GRID1: variants seen among roughly 807,000 people sequenced by gnomAD.
GRID1 encodes the protein glutamate ionotropic receptor delta type subunit 1, also known as glutamate receptor ionotropic, delta-1.
A neutral mutation model predicts 98.0 loss-of-function variants in GRID1; 28 were observed. The observed-to-expected ratio is 0.29, with a 90% CI of 0.21 to 0.39. The LOEUF (loss-of-function observed/expected upper bound fraction) is 0.39, where lower values mean the gene tolerates loss of function less well. Ranked by LOEUF, GRID1 falls within the 10% of genes least tolerant of loss-of-function variation. The probability of loss-of-function intolerance (pLI) is 1.00; values close to 1 mark genes in which losing one functional copy is unlikely to be tolerated. For missense variants in GRID1, 1,111 were observed against 1,340.5 expected (o/e 0.83, Z 2.67); for synonymous variants, 553 against 538.5 (o/e 1.03, Z -0.37).
chr10:85,958,775 T>C (rs908541711), intron 4 of GRID1, among the ~76,000 whole-genome samples: 2 of 151,720 alleles, frequency 1.3e-5, no homozygotes, highest in East Asian at 1.9e-4. Context: ...CTGACCAACA[T>C]GGAGAAACCC....
chr10:85,854,728 G>C (rs1293738943), intron 7 of GRID1, 113 bp from the exon 8 acceptor site: 8 of 1,018,986 alleles, frequency 7.9e-6, no homozygotes, highest in Non-Finnish European at 1.0e-5. Context: ...TCAGTTTTGA[G>C]ACCATGGACA....
intron 4 of GRID1, among the ~76,000 whole-genome samples, chr10:85,985,523 C>T (rs1842598252): frequency 6.6e-6 from 1 of 152,202 alleles, no homozygotes; most frequent in African/African-American, 2.4e-5. Context: ...ACATGAAGCT[C>T]ATGGGGCAGG....
chr10:86,315,337 C>A (rs770152995), intron 2 of GRID1, among the ~76,000 whole-genome samples: 1 of 152,200 alleles, frequency 6.6e-6, no homozygotes, highest in African/African-American at 2.4e-5. Context: ...CACACGCCAG[C>A]CAGCACTCCT....
chr10:86,021,759 A>C (rs1433380166), intron 4 of GRID1, among the ~76,000 whole-genome samples: 1 of 151,952 alleles, frequency 6.6e-6, no homozygotes, highest in African/African-American at 2.4e-5. Context: ...TTTCCCATTC[A>C]CCTGCGTAGT....
At chr10:86,231,374 G>A (rs1338045812) in intron 2 of GRID1, among the ~76,000 whole-genome samples, 1 of 152,164 alleles carries the variant, frequency 6.6e-6, no homozygotes, top group Non-Finnish European at 1.5e-5. Context: ...GGGAAGCAGG[G>A]CCAAGTCATT....
chr10:85,647,640 A>C (rs1306528171), intron 12 of GRID1: 7 of 481,362 alleles, frequency 1.5e-5, no homozygotes, highest in Non-Finnish European at 1.9e-5. Context: ...GGCACCTAAA[A>C]CCAGGTTCTT....
chr10:85,781,288 C>T (rs1415122873), intron 8 of GRID1, among the ~76,000 whole-genome samples: 2 of 152,208 alleles, frequency 1.3e-5, no homozygotes, highest in African/African-American at 4.8e-5. Flanking sequence ...TTCCCCTGGA[C>T]TTCTGAGTCA....
At chr10:85,857,185 C>A (rs964927135) in intron 6 of GRID1, among the ~76,000 whole-genome samples, 8 of 152,190 alleles carry the variant, frequency 5.3e-5, no homozygotes, top group African/African-American at 7.2e-5. Flanking sequence ...TGCAACTGTG[C>A]CCATCTGAGG....
At chr10:85,931,971 G>A (rs868226290) in intron 4 of GRID1, among the ~76,000 whole-genome samples, 13 of 152,256 alleles carry the variant, frequency 8.5e-5, no homozygotes, top group South Asian at 2.1e-4. Context: ...CACTCCAGCC[G>A]CTGGCATCCT....
Position 85,829,335 on chromosome 10 carries a change from G to A in GRID1, c.1233+25161C>T, listed in dbSNP as rs565597284. On this transcript the variant is annotated intron_variant, in intron 8 of 15. Coordinates refer to ENST00000327946, the MANE Select transcript of GRID1 (RefSeq NM_017551.3). ...AAAAAGTCATATATAACAAACCCAG[G>A]GCCAACATCATACTGAACAGGCAAA... 4.6e-4 allele frequency among the ~76,000 whole-genome samples: 70 copies of A among 151,934 alleles called. 1 individual carries two copies. The highest frequency in any genetic ancestry group is 1.6e-3 in the African/African-American group (67 of 41,480).
At chr10:86,100,284 T>C (rs1293082960) in intron 4 of GRID1, among the ~76,000 whole-genome samples, 4 of 152,200 alleles carry the variant, frequency 2.6e-5, no homozygotes, top group African/African-American at 7.2e-5. Context: ...CGAGCACTTC[T>C]TGTGTGCAGG....
chr10:86,325,324 A>T (rs1024636674), intron 2 of GRID1, among the ~76,000 whole-genome samples: 2 of 152,238 alleles, frequency 1.3e-5, no homozygotes, highest in Non-Finnish European at 1.5e-5. Flanking sequence ...GTACACAATG[A>T]AACTGATTTC....
chr10:86,331,582 G>C (rs1408201425), intron 2 of GRID1, among the ~76,000 whole-genome samples: 1 of 152,236 alleles, frequency 6.6e-6, no homozygotes, highest in Non-Finnish European at 1.5e-5. Context: ...GGGCTGGAGA[G>C]ACAGAGACTC....
At chr10:86,009,079 T>C (rs972655926) in intron 4 of GRID1, among the ~76,000 whole-genome samples, 4 of 152,244 alleles carry the variant, frequency 2.6e-5, no homozygotes, top group African/African-American at 9.6e-5. Flanking sequence ...ACAGCAATGA[T>C]GAGATTGTGT....
At chr10:85,922,581 C>A (rs1336005729) in intron 4 of GRID1, among the ~76,000 whole-genome samples, 1 of 152,174 alleles carries the variant, frequency 6.6e-6, no homozygotes, top group Admixed American at 6.5e-5. Flanking sequence ...GGGCCTGGCA[C>A]TTTCCCAAGG....
At chr10:86,201,535 G>T (rs1035695665) in intron 3 of GRID1, among the ~76,000 whole-genome samples, 9 of 152,098 alleles carry the variant, frequency 5.9e-5, no homozygotes, top group African/African-American at 2.2e-4. Context: ...TGGGAGGGTG[G>T]AGAGTGGAGG....
At chr10:86,035,475 A>T (rs1843248348) in intron 4 of GRID1, among the ~76,000 whole-genome samples, 1 of 152,190 alleles carries the variant, frequency 6.6e-6, no homozygotes, top group Non-Finnish European at 1.5e-5. Context: ...GCTGTGCAAG[A>T]TCCAGCTCCA....
chr10:86,120,180 C>T (rs1672425969), intron 4 of GRID1, among the ~76,000 whole-genome samples: 1 of 152,174 alleles, frequency 6.6e-6, no homozygotes, highest in Non-Finnish European at 1.5e-5. Context: ...TGTTCCTCCA[C>T]ATGCCTCTTT....
At chr10:85,959,577 C>G (rs1191424696) in intron 4 of GRID1, among the ~76,000 whole-genome samples, 1 of 147,992 alleles carries the variant, frequency 6.8e-6, no homozygotes, top group African/African-American at 2.5e-5. Flanking sequence ...TTCTGTAGCT[C>G]AAGATCAGAT....
Sources: allele counts gnomAD v4.1 joint callset (sites outside exome capture counted in the v4.1 genomes callset), GRCh38; gene constraint gnomAD v4.1.1; transcripts MANE v1.5; gene names NCBI Gene and HGNC (gene_info 2026-07-23, HGNC 2026-07-21).